Variants in NT5DC1 observed in about 807,000 individuals in gnomAD.
NT5DC1 encodes 5'-nucleotidase domain containing 1.
Under a neutral mutation model 59.4 loss-of-function variants are expected in NT5DC1, and 42 were observed. That is an observed-to-expected ratio of 0.71 (90% confidence interval 0.55 to 0.92). The LOEUF is 0.92. Among genes scored for constraint, NT5DC1 ranks in the 40% least tolerant of loss-of-function variants. NT5DC1 has a pLI of 0.00. For synonymous variants in NT5DC1, 172 were observed against 188.1 expected, an observed-to-expected ratio of 0.91 and a Z score of 0.70; for missense variants, 501 against 537.1, an observed-to-expected ratio of 0.93 and a Z score of 0.66.
intron 6 of NT5DC1, among the ~76,000 whole-genome samples, chr6:116,171,774 T>G (rs1437357891): frequency 6.6e-6 from 1 of 152,232 alleles, no homozygotes; most frequent in Non-Finnish European, 1.5e-5. Flanking sequence ...GTTGAGCAAT[T>G]GGGGTACAGA....
intron 6 of NT5DC1, among the ~76,000 whole-genome samples, chr6:116,215,454 T>C (rs1213600281): frequency 6.6e-6 from 1 of 152,156 alleles, no homozygotes; most frequent in East Asian, 1.9e-4. Context: ...AGATTTCATC[T>C]CTCCCTATGA....
In NT5DC1 at chr6:116,145,021, T is replaced by G. The variant is rs76396394; in HGVS notation, c.529+27076T>G. ...GAATGTATTATGTACCAATTATAGA[T>G]TTGATTCGTACATCAGATTGATACA... On this transcript the variant is annotated intron_variant, in intron 6 of 11. Transcript: ENST00000319550. Among the ~76,000 whole-genome samples, 1,238 of 152,280 alleles carry G rather than the reference T, an allele frequency of 8.1e-3. 21 individuals carry two copies. The highest frequency in any genetic ancestry group is 0.028 in the African/African-American group (1,173 of 41,548).
chr6:116,110,442 A>G (rs1778852271), intron 3 of NT5DC1, among the ~76,000 whole-genome samples: 1 of 152,076 alleles, frequency 6.6e-6, no homozygotes, highest in East Asian at 1.9e-4. Context: ...TATGGGCCCG[A>G]TGGACTCATG....
chr6:116,183,346 T>C (rs562182916), intron 6 of NT5DC1, among the ~76,000 whole-genome samples: 1 of 152,250 alleles, frequency 6.6e-6, no homozygotes, highest in Admixed American at 6.6e-5. Flanking sequence ...AGTCTTGCTT[T>C]GGCTATGCAG....
intron 6 of NT5DC1, chr6:116,125,211 A>T: frequency 1.0e-6 from 1 of 973,900 alleles, no homozygotes; most frequent in East Asian, 2.5e-5. Context: ...CTTTGTTGTA[A>T]TAATTTGGGC....
chr6:116,229,847 C>CT (rs1168187233), intron 8 of NT5DC1, among the ~76,000 whole-genome samples: 2 of 152,280 alleles, frequency 1.3e-5, no homozygotes, highest in East Asian at 3.9e-4. Flanking sequence ...TACACTGACT[C>CT]TGACTCCCAA....
chr6:116,130,418 C>T (rs1779430370), intron 6 of NT5DC1, among the ~76,000 whole-genome samples: 1 of 152,056 alleles, frequency 6.6e-6, no homozygotes, highest in African/African-American at 2.4e-5. Context: ...TACCAGTTGG[C>T]TCCTGAGTTC....
intron 6 of NT5DC1, among the ~76,000 whole-genome samples, chr6:116,158,927 G>A (rs1243558182): frequency 1.3e-5 from 2 of 152,062 alleles, no homozygotes; most frequent in African/African-American, 4.8e-5. Flanking sequence ...TGGGGATTGG[G>A]GAATTTCATT....
intron 6 of NT5DC1, among the ~76,000 whole-genome samples, chr6:116,180,925 T>G (rs954130062): frequency 3.3e-5 from 5 of 152,056 alleles, no homozygotes; most frequent in Admixed American, 6.6e-5. Context: ...TGGTGACATT[T>G]TCAACACTAA....
chr6:116,111,274 C>T (rs186008828), intron 4 of NT5DC1, among the ~76,000 whole-genome samples: 196 of 152,314 alleles, frequency 1.3e-3, no homozygotes, highest in African/African-American at 4.5e-3. Context: ...TGTCCTCAAT[C>T]CTTACTTTTC....
intron 6 of NT5DC1, among the ~76,000 whole-genome samples, chr6:116,149,183 A>ATTT (rs1779971648): frequency 6.6e-6 from 1 of 152,194 alleles, no homozygotes; most frequent in Admixed American, 6.5e-5. Flanking sequence ...CATTTGGTAC[A>ATTT]GAATTTGAAG....
Position 116,245,035 on chromosome 6 carries a change from A to G in NT5DC1, c.*1011A>G, listed in dbSNP as rs1771816145. The G allele has an allele frequency of 1.4e-5, 1 of 74,022 alleles. No individual in the cohort carries two copies. Among genetic ancestry groups the G allele is most frequent in the Admixed American group, 1.7e-4 (1 of 6,058 alleles). The allele number at this position is 74,022 out of a possible 1,614,324, so 4.6% of individuals were successfully genotyped here. On this transcript the variant is annotated 3_prime_UTR_variant, in exon 12 of 12. Transcript: ENST00000319550. ...TGGGAAGAAATTTGTAGTTAAAACT[A>G]TTTAATGTAATTTGAATTTAATTTC... is the stretch of plus-strand genomic sequence containing the variant.
intron 6 of NT5DC1, among the ~76,000 whole-genome samples, chr6:116,133,758 C>T (rs1399811168): frequency 6.6e-6 from 1 of 152,198 alleles, no homozygotes; most frequent in Non-Finnish European, 1.5e-5. Flanking sequence ...CTGGTTCCTG[C>T]CTCTTGCCCA....
intron 6 of NT5DC1, among the ~76,000 whole-genome samples, chr6:116,177,256 G>C (rs373617397): frequency 4.6e-5 from 7 of 152,174 alleles, no homozygotes; most frequent in African/African-American, 1.7e-4. Flanking sequence ...TCCCTTGACT[G>C]TTTATAACAT....
At chr6:116,138,289 C>T (rs1582827701) in intron 6 of NT5DC1, among the ~76,000 whole-genome samples, 1 of 152,084 alleles carries the variant, frequency 6.6e-6, no homozygotes, top group Non-Finnish European at 1.5e-5. Context: ...CATGGTAAAG[C>T]GACTGTTTTC....
At position 116,120,479 on chromosome 6, in the gene NT5DC1, A is replaced by T. The variant is rs2114279867; in HGVS notation, c.529+2534A>T. Reference sequence around the variant, plus strand: ...AAAAGCAGACACAGGCATTCCTGTTACCCCCTGGTTGGCACTAACAAGAGG... The same window carrying T: ...AAAAGCAGACACAGGCATTCCTGTTTCCCCCTGGTTGGCACTAACAAGAGG... On this transcript the variant is annotated intron_variant, in intron 6 of 11. Coordinates refer to ENST00000319550, the MANE Select transcript of NT5DC1 (RefSeq NM_152729.3). The T allele has an allele frequency of 4.3e-6, 7 of 1,614,154 alleles. No homozygotes were observed. Among genetic ancestry groups the T allele is most frequent in the Non-Finnish European group, 5.9e-6 (7 of 1,180,002 alleles).
chr6:116,107,545 A>ATTTTC (rs769281231), intron 2 of NT5DC1, among the ~76,000 whole-genome samples: 1 of 58,938 alleles, frequency 1.7e-5, no homozygotes, highest in East Asian at 2.4e-4. Context: ...TTTTCTTTTT[A>ATTTTC]TTTTATTTTA....
At chr6:116,131,330 T>G (rs999546290) in intron 6 of NT5DC1, among the ~76,000 whole-genome samples, 4 of 152,220 alleles carry the variant, frequency 2.6e-5, no homozygotes, top group African/African-American at 9.6e-5. Context: ...ACCCTGTGTT[T>G]CACCTTCCTT....
chr6:116,169,547 T>C lies in NT5DC1; in HGVS notation c.530-51507T>C, dbSNP rs1227921552. Among the ~76,000 whole-genome samples the C allele has an allele frequency of 5.4e-4, 83 of 152,362 alleles. 1 individual carries two copies. The highest frequency in any genetic ancestry group is 1.2e-4 in the Non-Finnish European group (8 of 68,034). On this transcript the variant is annotated intron_variant, in intron 6 of 11. Transcript: ENST00000319550. Reference sequence around the variant, plus strand: ...ATCTTAACAAGCCTTTTGAGGATTTTAGCTATTCATTTTGCATACTGATCA... The same window carrying C: ...ATCTTAACAAGCCTTTTGAGGATTTCAGCTATTCATTTTGCATACTGATCA...
Sources: gnomAD v4.1 joint callset for allele counts (sites outside exome capture counted in the v4.1 genomes callset) on GRCh38, gnomAD v4.1.1 for gene constraint, MANE v1.5 for transcripts, NCBI Gene and HGNC (gene_info 2026-07-23, HGNC 2026-07-21) for gene names.